Variants in SNRNP200 observed in about 807,000 individuals in gnomAD.
SNRNP200 encodes U5 small nuclear ribonucleoprotein 200 kDa helicase.
SNRNP200 carries 66 observed loss-of-function variants against 255.2 expected under a neutral mutation model. That is an observed-to-expected ratio of 0.26 (90% CI 0.21 to 0.32). SNRNP200 has a LOEUF of 0.32. Ranked by LOEUF, SNRNP200 falls within the 10% of genes least tolerant of loss-of-function variation. SNRNP200 has a pLI of 1.00. For missense variants in SNRNP200, 1,585 were observed against 2,749.8 expected, an observed-to-expected ratio of 0.58 and a Z score of 9.47; for synonymous variants, 939 against 1,027.8, an observed-to-expected ratio of 0.91 and a Z score of 1.65.
In SNRNP200 at chr2:96,292,933, AGAAT is replaced by A. The variant is rs770065362; in HGVS notation, c.2160+35_2160+38del. 6 of 1,610,872 alleles carry A rather than the reference AGAAT, an allele frequency of 3.7e-6. No individual in the cohort carries two copies. The Admixed American group carries it at 1.0e-4, about 27-fold the overall frequency. Reference sequence around the variant, plus strand: ...ATTATTGGTGAATCAAACATTCGAAAGAATGGGGTTCAAGAGTAACCATAAACCA... The same window carrying A: ...ATTATTGGTGAATCAAACATTCGAAAGGGGTTCAAGAGTAACCATAAACCA... On this transcript the variant is annotated intron_variant, in intron 16 of 44. Coordinates refer to ENST00000323853, the MANE Select transcript of SNRNP200 (RefSeq NM_014014.5).
At chr2:96,285,556 GC>G (rs2063839044) in intron 29 of SNRNP200, among the ~76,000 whole-genome samples, 1 of 152,188 alleles carries the variant, frequency 6.6e-6, no homozygotes, top group Non-Finnish European at 1.5e-5. Flanking sequence ...AGGGGAAGAG[GC>G]CAAGATCAAG....
intron 11 of SNRNP200, 110 bp from the exon 12 acceptor site, chr2:96,297,180 C>A (rs2063922156): frequency 6.5e-7 from 1 of 1,547,104 alleles, no homozygotes; most frequent in Admixed American, 1.8e-5. Flanking sequence ...CATAACTTTC[C>A]ATTAAAGGTC....
Position 96,290,095 on chromosome 2 carries a change from G to T in SNRNP200, c.2743-99C>A. 1 of 1,148,290 alleles carries T rather than the reference G, an allele frequency of 8.7e-7. No homozygotes were observed. Among genetic ancestry groups the T allele is most frequent in the Non-Finnish European group, 1.3e-6 (1 of 760,196 alleles). 71.1% of individuals were successfully genotyped at this position (1,148,290 alleles called of 1,614,324 possible). ...TTAGAAATTAATTCCCAACTACAAG[G>T]ATGCATATTACATCGTATTCTGAAT... On this transcript the variant is annotated intron_variant, in intron 20 of 44. Transcript: ENST00000323853. The surrounding 1 kb of genome is among the most constrained non-coding windows in gnomAD (Gnocchi z 4.5).
intron 29 of SNRNP200, 117 bp from the exon 30 acceptor site, chr2:96,285,457 G>C: frequency 1.7e-6 from 2 of 1,195,332 alleles, no homozygotes; most frequent in Non-Finnish European, 2.4e-6. Context: ...GGCAGTTCTG[G>C]AGTGCAGACA....
intron 43 of SNRNP200, 59 bp from the exon 44 acceptor site, chr2:96,275,408 A>G: frequency 7.2e-7 from 1 of 1,384,006 alleles, no homozygotes; most frequent in Non-Finnish European, 1.0e-6. Flanking sequence ...ATAGGCAACC[A>G]TGAAAATGGT....
chr2:96,276,779 C>T, intron 43 of SNRNP200, 125 bp downstream of exon 43: 1 of 931,900 alleles, frequency 1.1e-6, no homozygotes, highest in Non-Finnish European at 1.8e-6. Flanking sequence ...GATTAATTCT[C>T]ACCCTTGTGA....
chr2:96,299,198 C>T (rs1178743259), intron 6 of SNRNP200, 131 bp downstream of exon 6: 2 of 975,328 alleles, frequency 2.1e-6, no homozygotes, highest in Non-Finnish European at 3.3e-6. Context: ...AAACTCTAGA[C>T]ACTAAGTGTT....
rs767743153 is a variant in SNRNP200, at chr2:96,301,747, A to T, written c.382-31T>A. On this transcript the variant is annotated intron_variant, in intron 3 of 44. Transcript: ENST00000323853. Reference sequence around the variant, plus strand: ...GGCAAGAAACAACCAACCAATATTGAGAACGACGACAGGCAAAACATCTTC... The same window carrying T: ...GGCAAGAAACAACCAACCAATATTGTGAACGACGACAGGCAAAACATCTTC... 4 of 1,613,162 alleles carry T rather than the reference A, an allele frequency of 2.5e-6. No individual in the cohort carries two copies. The African/African-American group carries it at 5.3e-5, about 22-fold the overall frequency.
chr2:96,278,052 C>T lies in SNRNP200; in HGVS notation c.5611-102G>A. The T allele has an allele frequency of 6.4e-7, 1 of 1,559,448 alleles. No homozygotes were observed. Among genetic ancestry groups the T allele is most frequent in the Admixed American group, 1.7e-5 (1 of 59,906 alleles). Reference sequence around the variant, plus strand: ...GGCCCAGGCTCACACAGCCCTTCAACACCCTGAGGCATGTGGGTGGTAATG... The same window carrying T: ...GGCCCAGGCTCACACAGCCCTTCAATACCCTGAGGCATGTGGGTGGTAATG... On this transcript the variant is annotated intron_variant, in intron 39 of 44. Transcript: ENST00000323853. This position sits in a 1 kb window ranked among gnomAD's most constrained non-coding sequence, Gnocchi z 6.9.
intron 3 of SNRNP200, 107 bp downstream of exon 3, chr2:96,303,052 A>T: frequency 8.1e-7 from 1 of 1,227,514 alleles, no homozygotes; most frequent in Non-Finnish European, 1.2e-6. Context: ...TCAACTCATC[A>T]GCATACAAAA....
rs1483199042 is a variant in SNRNP200, at chr2:96,293,349, T to G, written c.2003A>C (p.Asp668Ala). 2 of 1,614,182 alleles carry G rather than the reference T, an allele frequency of 1.2e-6. No individual in the cohort carries two copies. The highest frequency in any genetic ancestry group is 1.7e-6 in the Non-Finnish European group (2 of 1,180,032). ...AAAGTAAAAGAGACCCTTGGCAGGG[T>G]CAACACGTAGAAAGGTGGCTACATC... ...YEDVATFLRV[D>A]PAKGLFYFDN... The change falls in exon 15 of 45, where the codon GAC becomes GCC. Residue 668 changes from aspartate to alanine, a missense_variant. This residue lies in a region of SNRNP200 where 140 missense variants were observed against 274.9 expected (regional missense o/e 0.51). Coordinates refer to ENST00000323853, the MANE Select transcript of SNRNP200 (RefSeq NM_014014.5).
intron 2 of SNRNP200, among the ~76,000 whole-genome samples, chr2:96,304,398 A>G (rs1255253274): frequency 6.6e-6 from 1 of 152,254 alleles, no homozygotes; most frequent in Non-Finnish European, 1.5e-5. Flanking sequence ...GTAATGGGAA[A>G]AAAGGAAAAC....
chr2:96,289,832 C>T lies in SNRNP200; in HGVS notation c.2907G>A (p.Leu969=), dbSNP rs1380108646. ...TAALMLDKNN[L]VKYDKKTGNF... is the part of the protein sequence containing the mutation. Reference sequence around the variant, plus strand: ...TGCCCGTCTTCTTGTCGTACTTGACCAGATTGTTCTTGTCCAGCATCAGGG... The same window carrying T: ...TGCCCGTCTTCTTGTCGTACTTGACTAGATTGTTCTTGTCCAGCATCAGGG... The change falls in exon 21 of 45, where the codon CTG becomes CTA. Residue 969 remains leucine, a synonymous_variant. Transcript: ENST00000323853. 1.9e-6 allele frequency: 3 copies of T among 1,614,196 alleles called. No homozygotes were observed. Among genetic ancestry groups the T allele is most frequent in the Admixed American group, 3.3e-5 (2 of 60,028 alleles).
At chr2:96,284,306 GGCCACTTGGTCAGTCCCAGTCC>G in intron 31 of SNRNP200, 30 bp downstream of exon 31, 1 of 1,513,962 alleles carries the variant, frequency 6.6e-7, no homozygotes, top group African/African-American at 1.4e-5. Flanking sequence ...CCAATGCCAA[GGCCACTTGGTCAGTCCCAGTCC>G]CTCATCTGTG....
intron 16 of SNRNP200, among the ~76,000 whole-genome samples, 186 bp from the exon 17 acceptor site, chr2:96,292,086 C>T (rs1412130389): frequency 2.6e-5 from 4 of 152,206 alleles, no homozygotes; most frequent in African/African-American, 9.6e-5. Context: ...GGAATGCACC[C>T]ACCAAGTTCA....
chr2:96,281,099 G>C (rs1020806856), intron 35 of SNRNP200: 2 of 147,664 alleles, frequency 1.4e-5, no homozygotes, highest in Non-Finnish European at 3.0e-5. Context: ...CCTGACATCA[G>C]GTGATCTGCC....
chr2:96,277,251 GTATT>G lies in SNRNP200; in HGVS notation c.5932-14_5932-11del. 3 of 1,614,048 alleles carry G rather than the reference GTATT, an allele frequency of 1.9e-6. No homozygotes were observed. The highest frequency in any genetic ancestry group is 2.5e-6 in the Non-Finnish European group (3 of 1,179,968). The stretch of plus-strand genomic sequence containing the variant: ...AAACACTCTCCACTCCCTGCAGTGA[GTATT>G]CAGACGTCAGGAAAGAGAGAACACG... On this transcript the variant is annotated splice_polypyrimidine_tract_variant and intron_variant, in intron 41 of 44. Coordinates refer to ENST00000323853, the MANE Select transcript of SNRNP200 (RefSeq NM_014014.5). The surrounding 1 kb of genome is among the most constrained non-coding windows in gnomAD (Gnocchi z 4.4).
At chr2:96,292,601 A>C (rs2063891124) in intron 16 of SNRNP200, among the ~76,000 whole-genome samples, 2 of 152,242 alleles carry the variant, frequency 1.3e-5, no homozygotes, top group Non-Finnish European at 2.9e-5. Flanking sequence ...ATGCGAATGC[A>C]CAAAACAATT....
chr2:96,278,436 C>A lies in SNRNP200; in HGVS notation c.5489-78G>T, dbSNP rs574790494. 1.7e-4 allele frequency: 279 copies of A among 1,611,352 alleles called. 3 individuals are homozygous for A. In the Middle Eastern group the frequency reaches 2.3e-3, roughly 13 times the overall value. Reference sequence around the variant, plus strand: ...GAACTGCCCGGGCTCCCCTGCTGTCCCCTGCAGTGTCATCCCGCTGACAAA... The same window carrying A: ...GAACTGCCCGGGCTCCCCTGCTGTCACCTGCAGTGTCATCCCGCTGACAAA... On this transcript the variant is annotated intron_variant, in intron 38 of 44. Coordinates refer to ENST00000323853, the MANE Select transcript of SNRNP200 (RefSeq NM_014014.5). This position sits in a 1 kb window ranked among gnomAD's most constrained non-coding sequence, Gnocchi z 6.9.
Sources: gnomAD v4.1 joint callset for allele counts (sites outside exome capture counted in the v4.1 genomes callset) on GRCh38, gnomAD v4.1.1 for gene constraint, gnomAD v4.1.1 regional missense constraint, Gnocchi (gnomAD v3.1) non-coding constraint, MANE v1.5 for transcripts, NCBI Gene and HGNC (gene_info 2026-07-23, HGNC 2026-07-21) for gene names.